Variants in ABLIM1 observed in about 807,000 individuals in gnomAD.
ABLIM1 encodes the protein actin-binding LIM protein 1.
A neutral mutation model predicts 107.0 loss-of-function variants in ABLIM1; 40 were observed. That is an observed-to-expected ratio of 0.37 (90% CI 0.29 to 0.49). The LOEUF (loss-of-function observed/expected upper bound fraction) is 0.49. Among genes scored for constraint, ABLIM1 ranks in the 20% least tolerant of loss-of-function variants. ABLIM1 has a pLI of 0.97. For missense variants in ABLIM1, 857 were observed against 1,008.5 expected, an observed-to-expected ratio of 0.85 and a Z score of 2.04; for synonymous variants, 357 against 357.3, an observed-to-expected ratio of 1.00 and a Z score of 0.01.
chr10:114,477,982 A>G (rs2056745252), intron 8 of ABLIM1, among the ~76,000 whole-genome samples: 1 of 152,032 alleles, frequency 6.6e-6, no homozygotes. Flanking sequence ...TCGGCCTCCC[A>G]AAGTGCTGGG....
chr10:114,571,920 C>T (rs1283828319), intron 3 of ABLIM1, among the ~76,000 whole-genome samples: 4 of 152,096 alleles, frequency 2.6e-5, no homozygotes, highest in Admixed American at 6.6e-5. Flanking sequence ...GTGAACGGAA[C>T]GTTTCATGGT....
At chr10:114,635,382 C>T (rs543440158) in intron 1 of ABLIM1, among the ~76,000 whole-genome samples, 5 of 152,356 alleles carry the variant, frequency 3.3e-5, no homozygotes, top group African/African-American at 9.6e-5. Flanking sequence ...CCGGCAGAGT[C>T]CACTTCCTCA....
chr10:114,598,274 CAAAAAAA>C (rs58133284), intron 2 of ABLIM1, among the ~76,000 whole-genome samples: 4 of 63,814 alleles, frequency 6.3e-5, no homozygotes, highest in South Asian at 6.9e-4. Context: ...AACTCCATCT[CAAAAAAA>C]AAAAAAAAAA....
At chr10:114,791,844 TGAGA>T in the ABLIM1 span, among the ~76,000 whole-genome samples, 6 of 152,178 alleles carry the variant, frequency 3.9e-5, no homozygotes, top group East Asian at 1.2e-3. Context: ...TCAGAAAACT[TGAGA>T]GATAGTAAAA....
At chr10:114,654,999 T>C (rs572814025) in intron 1 of ABLIM1, among the ~76,000 whole-genome samples, 1 of 152,214 alleles carries the variant, frequency 6.6e-6, no homozygotes, top group South Asian at 2.1e-4. Flanking sequence ...TTTGGGTGAC[T>C]CAAATTGTTT....
chr10:114,722,288 T>G (rs2081865460), intron 1 of ABLIM1, among the ~76,000 whole-genome samples: 1 of 152,086 alleles, frequency 6.6e-6, no homozygotes, highest in Admixed American at 6.5e-5. Context: ...CGTTTTCACA[T>G]GGTCAGAGCA....
At chr10:114,462,660 C>G (rs774661358) in intron 12 of ABLIM1, among the ~76,000 whole-genome samples, 21 of 151,962 alleles carry the variant, frequency 1.4e-4, no homozygotes, top group Non-Finnish European at 3.1e-4. Context: ...TAAACACTGT[C>G]GTGTTTTGCT....
the ABLIM1 span, among the ~76,000 whole-genome samples, chr10:114,794,836 T>C: frequency 6.6e-6 from 1 of 152,180 alleles, no homozygotes; most frequent in African/African-American, 2.4e-5. Context: ...AAATCTATTT[T>C]TTTCAAGTAT....
chr10:114,436,362 G>A lies in ABLIM1; in HGVS notation c.2235C>T (p.Ala745=). 2.5e-6 allele frequency: 4 copies of A among 1,613,074 alleles called. No individual in the cohort carries two copies. Among genetic ancestry groups the A allele is most frequent in the Non-Finnish European group, 3.4e-6 (4 of 1,179,544 alleles). Reference sequence around the variant, plus strand: ...CAAAGATTTCCCGAAACACTTCAGGGGCTAAGTGGCGCTGGGAAGAAGAAA... The same window carrying A: ...CAAAGATTTCCCGAAACACTTCAGGAGCTAAGTGGCGCTGGGAAGAAGAAA... ...VDRTRLERHL[A]PEVFREIFGM... The change falls in exon 23 of 23, where the codon GCC becomes GCT. Residue 745 remains alanine, a synonymous_variant. Coordinates refer to ENST00000533213, the MANE Select transcript of ABLIM1 (RefSeq NM_002313.7).
At chr10:114,578,785 CTTT>C (rs35420465) in intron 2 of ABLIM1, among the ~76,000 whole-genome samples, 1 of 111,714 alleles carries the variant, frequency 9.0e-6, no homozygotes, top group Non-Finnish European at 1.7e-5. Context: ...TCTTTCTTTT[CTTT>C]TTTTTTTTTT....
intron 1 of ABLIM1, among the ~76,000 whole-genome samples, chr10:114,725,376 G>A (rs1243252828): frequency 6.6e-6 from 1 of 151,970 alleles, no homozygotes. Flanking sequence ...TGTGGAGCTG[G>A]GTTTTATAAA....
At chr10:114,684,602 C>G (rs2080884668) in exon 1 of ABLIM1, 3 of 1,298,330 alleles carry the variant, frequency 2.3e-6, no homozygotes, top group Non-Finnish European at 2.9e-6. Flanking sequence ...TCTCTCGACC[C>G]TGCCCCTACC....
chr10:114,508,693 T>C (rs2061465858), intron 6 of ABLIM1, among the ~76,000 whole-genome samples: 2 of 152,176 alleles, frequency 1.3e-5, no homozygotes, highest in Admixed American at 1.3e-4. Context: ...TGACTTTACG[T>C]TCCCACAAAA....
At position 114,731,497 on chromosome 10, in the gene ABLIM1, T is replaced by C. The variant is rs774379919; in HGVS notation, c.-213+36564A>G. On this transcript the variant is annotated intron_variant, in intron 1 of 15. Transcript: ENST00000651092. The stretch of plus-strand genomic sequence containing the variant: ...ATTTTTTGGAGATGGAGTCTCACTC[T>C]GTCGCCCACACTGGAGTGCAGTGGC... Among the ~76,000 whole-genome samples, 33 of 151,896 alleles carry C rather than the reference T, an allele frequency of 2.2e-4. 2 individuals are homozygous for C. Among genetic ancestry groups the C allele is most frequent in the Middle Eastern group, 3.4e-3 (1 of 294 alleles).
At chr10:114,785,529 C>T in the ABLIM1 span, among the ~76,000 whole-genome samples, 1 of 151,926 alleles carries the variant, frequency 6.6e-6, no homozygotes, top group East Asian at 1.9e-4. Context: ...GAATAGCATT[C>T]TTAGTATAAT....
chr10:114,743,859 T>C (rs979003212), intron 1 of ABLIM1, among the ~76,000 whole-genome samples: 1 of 151,932 alleles, frequency 6.6e-6, no homozygotes, highest in African/African-American at 2.4e-5. Context: ...GATGGGCTAA[T>C]GTAAAAGAAA....
chr10:114,439,948 G>T, intron 20 of ABLIM1, 134 bp downstream of exon 20: 1 of 1,466,274 alleles, frequency 6.8e-7, no homozygotes, highest in Non-Finnish European at 9.3e-7. Flanking sequence ...CACGGCTATA[G>T]AGTAATGACT....
chr10:114,791,155 C>T, the ABLIM1 span, among the ~76,000 whole-genome samples: 1 of 152,070 alleles, frequency 6.6e-6, no homozygotes. Context: ...GATCATAGCT[C>T]ATGGCAGCCT....
At chr10:114,516,770 C>T (rs938015381) in intron 6 of ABLIM1, among the ~76,000 whole-genome samples, 1 of 152,220 alleles carries the variant, frequency 6.6e-6, no homozygotes, top group Non-Finnish European at 1.5e-5. Flanking sequence ...CAGTTAATCA[C>T]AGGGAAAGGC....
Sources: gnomAD v4.1 joint callset for allele counts (sites outside exome capture counted in the v4.1 genomes callset) on GRCh38, gnomAD v4.1.1 for gene constraint, MANE v1.5 for transcripts, NCBI Gene and HGNC (gene_info 2026-07-23, HGNC 2026-07-21) for gene names.